HORMAD2: variants seen among roughly 807,000 people sequenced by gnomAD.
The protein encoded by HORMAD2 is HORMA domain containing 2.
HORMAD2 carries 45 observed loss-of-function variants against 38.8 expected under a neutral mutation model. That is an observed-to-expected ratio of 1.16 (90% CI 0.91 to 1.49). The LOEUF (loss-of-function observed/expected upper bound fraction) is 1.49. Among genes scored for constraint, HORMAD2 ranks in the 40% most tolerant of loss-of-function variants. HORMAD2 has a pLI of 0.00. For missense variants in HORMAD2, 338 were observed against 367.0 expected, an observed-to-expected ratio of 0.92 and a Z score of 0.65; for synonymous variants, 126 against 122.8, an observed-to-expected ratio of 1.03 and a Z score of -0.17.
intron 7 of HORMAD2, among the ~76,000 whole-genome samples, chr22:30,117,578 G>T (rs1176411829): frequency 6.6e-6 from 1 of 152,002 alleles, no homozygotes; most frequent in South Asian, 2.1e-4. Context: ...GAACAGTCTA[G>T]GCTCACTGCA....
intron 1 of HORMAD2, 72 bp from the exon 2 acceptor site, chr22:30,093,844 A>AT (rs2068734434): frequency 4.4e-6 from 3 of 675,842 alleles, no homozygotes; most frequent in African/African-American, 3.8e-5. Flanking sequence ...TTTCAGTTTC[A>AT]TTTTTGGGCA....
chr22:30,102,619 A>G (rs1920957743), intron 3 of HORMAD2, among the ~76,000 whole-genome samples: 1 of 152,112 alleles, frequency 6.6e-6, no homozygotes, highest in Non-Finnish European at 1.5e-5. Flanking sequence ...ACTACTTTAA[A>G]CCAAAACTCT....
At chr22:30,175,944 C>T (rs1449032831) in intron 10 of HORMAD2, 119 bp from the exon 11 acceptor site, 5 of 639,152 alleles carry the variant, frequency 7.8e-6, no homozygotes, top group Non-Finnish European at 1.4e-5. Context: ...CACAGGAAAG[C>T]AGGTTTGGAT....
chr22:30,181,000 A>ACCTACCCTACCCTAC (rs1227922173), downstream of HORMAD2, among the ~76,000 whole-genome samples: 1 of 98,580 alleles, frequency 1.0e-5, no homozygotes, highest in Admixed American at 1.3e-4. Context: ...TCCTCCCCTA[A>ACCTACCCTACCCTAC]CCTACCCTAC....
At chr22:30,193,068 C>T in the HORMAD2 span, among the ~76,000 whole-genome samples, 6 of 151,774 alleles carry the variant, frequency 4.0e-5, no homozygotes, top group East Asian at 1.9e-4. Context: ...AATGATAGAC[C>T]GAAAAAAGCA....
chr22:30,143,503 C>T (rs1477326381), intron 10 of HORMAD2, among the ~76,000 whole-genome samples: 1 of 152,100 alleles, frequency 6.6e-6, no homozygotes, highest in Non-Finnish European at 1.5e-5. Flanking sequence ...CTTACTACCT[C>T]ACTGGCCCCC....
intron 10 of HORMAD2, among the ~76,000 whole-genome samples, chr22:30,134,402 C>A (rs1277256297): frequency 6.9e-6 from 1 of 144,420 alleles, no homozygotes. Context: ...TATATATAAT[C>A]ATAAATATAT....
chr22:30,107,205 A>G (rs567311755), intron 5 of HORMAD2, among the ~76,000 whole-genome samples: 6 of 152,358 alleles, frequency 3.9e-5, no homozygotes, highest in African/African-American at 9.6e-5. Flanking sequence ...ATAAAAAATT[A>G]TAAGTATTAC....
At chr22:30,105,320 C>A in intron 5 of HORMAD2, 1 of 168,184 alleles carries the variant, frequency 5.9e-6, no homozygotes. Context: ...CAGGCACCTG[C>A]GATGGCAGCT....
chr22:30,110,327 T>C (rs1355070748), intron 5 of HORMAD2, among the ~76,000 whole-genome samples: 1 of 151,184 alleles, frequency 6.6e-6, no homozygotes, highest in Non-Finnish European at 1.5e-5. Flanking sequence ...TTTTCAGATA[T>C]CTAGGAAATT....
At chr22:30,108,248 C>T (rs761978094) in intron 5 of HORMAD2, among the ~76,000 whole-genome samples, 1 of 152,104 alleles carries the variant, frequency 6.6e-6, no homozygotes, top group Non-Finnish European at 1.5e-5. Flanking sequence ...ACTGTCCACA[C>T]TGCATACTTT....
At chr22:30,175,555 C>A (rs1037145328) in intron 10 of HORMAD2, among the ~76,000 whole-genome samples, 3 of 151,746 alleles carry the variant, frequency 2.0e-5, no homozygotes, top group African/African-American at 7.3e-5. Flanking sequence ...AAATATATAT[C>A]TATAATGATT....
At chr22:30,108,177 T>C (rs896162257) in intron 5 of HORMAD2, among the ~76,000 whole-genome samples, 15 of 152,180 alleles carry the variant, frequency 9.9e-5, no homozygotes, top group African/African-American at 3.4e-4. Flanking sequence ...GAGACTATAT[T>C]GTATATAGCT....
the HORMAD2 span, among the ~76,000 whole-genome samples, chr22:30,194,246 A>T: frequency 6.6e-6 from 1 of 152,236 alleles, no homozygotes; most frequent in African/African-American, 2.4e-5. Flanking sequence ...TTTAAAAGAG[A>T]CATTGACCAT....
At chr22:30,137,978 C>G (rs1476621462) in intron 10 of HORMAD2, among the ~76,000 whole-genome samples, 1 of 152,116 alleles carries the variant, frequency 6.6e-6, no homozygotes, top group African/African-American at 2.4e-5. Flanking sequence ...ATTTGGAGAA[C>G]TCCAAAATTC....
chr22:30,099,014 C>A (rs1466123209), intron 3 of HORMAD2, 21 bp downstream of exon 3: 1 of 1,599,436 alleles, frequency 6.3e-7, no homozygotes. Flanking sequence ...ACTAACTAGT[C>A]TCTTTGGCTG....
At chr22:30,106,555 C>G (rs1020715049) in intron 5 of HORMAD2, among the ~76,000 whole-genome samples, 1 of 152,078 alleles carries the variant, frequency 6.6e-6, no homozygotes, top group Non-Finnish European at 1.5e-5. Flanking sequence ...GAGGGGGAGA[C>G]GGCCATCACT....
chr22:30,146,595 G>T (rs1052806698), intron 10 of HORMAD2, among the ~76,000 whole-genome samples: 3 of 152,146 alleles, frequency 2.0e-5, no homozygotes, highest in Non-Finnish European at 4.4e-5. Context: ...ACCTAAAGGT[G>T]ACATTATACT....
intron 8 of HORMAD2, 93 bp downstream of exon 8, chr22:30,119,140 A>G (rs962468725): frequency 2.5e-6 from 2 of 803,524 alleles, no homozygotes; most frequent in African/African-American, 1.8e-5. Flanking sequence ...ATACTTCTTT[A>G]CACATTTCCC....
Sources: gnomAD v4.1 joint callset for allele counts (sites outside exome capture counted in the v4.1 genomes callset) on GRCh38, gnomAD v4.1.1 for gene constraint, MANE v1.5 for transcripts, NCBI Gene and HGNC (gene_info 2026-07-23, HGNC 2026-07-21) for gene names.